Variants in CUBN observed in about 807,000 individuals in gnomAD.
CUBN encodes the protein 460 kDa receptor.
In CUBN, 282 loss-of-function variants were observed where a neutral mutation model predicts 405.3. That is an observed-to-expected ratio of 0.70 (90% CI 0.63 to 0.77). The LOEUF (loss-of-function observed/expected upper bound fraction) is 0.77, where lower values mean the gene tolerates loss of function less well. Among genes scored for constraint, CUBN ranks in the 30% least tolerant of loss-of-function variants. The pLI is 0.00. For missense variants in CUBN, 4,514 were observed against 4,475.2 expected (o/e 1.01, Z -0.25); for synonymous variants, 1,684 against 1,617.0 (o/e 1.04, Z -0.99).
At chr10:17,113,095 T>A (rs1836807345) in intron 8 of CUBN, among the ~76,000 whole-genome samples, 2 of 151,924 alleles carry the variant, frequency 1.3e-5, no homozygotes, top group African/African-American at 4.8e-5. Flanking sequence ...GCAAACCCCA[T>A]CTCTACTAAA....
At chr10:17,090,670 A>G (rs1836235314) in intron 14 of CUBN, among the ~76,000 whole-genome samples, 1 of 152,054 alleles carries the variant, frequency 6.6e-6, no homozygotes, top group Non-Finnish European at 1.5e-5. Flanking sequence ...AAGAACAAAG[A>G]AATCTTAAAT....
intron 62 of CUBN, among the ~76,000 whole-genome samples, chr10:16,836,607 C>T (rs1839177085): frequency 6.6e-6 from 1 of 152,240 alleles, no homozygotes; most frequent in Admixed American, 6.5e-5. Context: ...TCTGCTGAAA[C>T]CACAGACATT....
chr10:16,845,480 T>A (rs1465458245), intron 60 of CUBN, among the ~76,000 whole-genome samples: 1 of 152,168 alleles, frequency 6.6e-6, no homozygotes, highest in Non-Finnish European at 1.5e-5. Context: ...TTTTCCAGTT[T>A]GGGGCTAAAC....
chr10:17,005,861 T>A (rs532326810), intron 28 of CUBN, among the ~76,000 whole-genome samples: 1 of 152,176 alleles, frequency 6.6e-6, no homozygotes, highest in African/African-American at 2.4e-5. Flanking sequence ...TCCTCGGGGA[T>A]AGGGCCTTTA....
chr10:16,842,049 C>CTTT (rs146336877), intron 60 of CUBN, among the ~76,000 whole-genome samples: 2 of 144,100 alleles, frequency 1.4e-5, no homozygotes, highest in Non-Finnish European at 3.0e-5. Context: ...ACATATTTAG[C>CTTT]TTTTTTTTTT....
intron 36 of CUBN, among the ~76,000 whole-genome samples, chr10:16,944,794 C>G (rs546964252): frequency 8.5e-5 from 13 of 152,272 alleles, no homozygotes; most frequent in Non-Finnish European, 1.3e-4. Flanking sequence ...AACTTGCTTT[C>G]TGTGTGTGTA....
At chr10:16,840,172 A>T (rs570702920) in intron 62 of CUBN, among the ~76,000 whole-genome samples, 158 bp downstream of exon 62, 20 of 152,190 alleles carry the variant, frequency 1.3e-4, no homozygotes, top group Non-Finnish European at 2.2e-4. Context: ...ATGTATACAT[A>T]TGTAACAAAC....
At chr10:16,901,091 C>T (rs1841349778) in intron 52 of CUBN, among the ~76,000 whole-genome samples, 1 of 152,078 alleles carries the variant, frequency 6.6e-6, no homozygotes. Context: ...ACACTTCTCT[C>T]TAAGACGCAG....
chr10:16,949,140 T>C (rs1842857300), intron 34 of CUBN, among the ~76,000 whole-genome samples: 1 of 152,222 alleles, frequency 6.6e-6, no homozygotes, highest in African/African-American at 2.4e-5. Context: ...CTACTATTTA[T>C]AACATACTGA....
rs182428546 is a variant in CUBN, at chr10:16,835,323, G to C, written c.10181-128C>G. The stretch of plus-strand genomic sequence containing the variant: ...TAGAAAAAAGTAATCCAGCTTCTTC[G>C]TTTACCTTTGAGATAATTGAGACCC... On this transcript the variant is annotated intron_variant, in intron 63 of 66. Coordinates refer to ENST00000377833, the MANE Select transcript of CUBN (RefSeq NM_001081.4). 243 of 846,076 alleles carry C rather than the reference G, an allele frequency of 2.9e-4. 4 individuals are homozygous for C. In the South Asian group the frequency reaches 3.4e-3, roughly 12 times the overall value. The allele number at this position is 846,076 out of a possible 1,614,324, so 52.4% of individuals were successfully genotyped here. A position where few individuals can be genotyped will look rare whatever the true frequency, so the allele number is the denominator to read the frequency against.
chr10:16,932,394 A>G (rs1842387107), intron 40 of CUBN, among the ~76,000 whole-genome samples: 3 of 152,142 alleles, frequency 2.0e-5, no homozygotes, highest in African/African-American at 7.2e-5. Flanking sequence ...GTCCTCCTTC[A>G]TTCCAGTCCA....
chr10:16,961,878 A>AT lies in CUBN; in HGVS notation c.4696-7331dup, dbSNP rs1266509096. Among the ~76,000 whole-genome samples the AT allele has an allele frequency of 1.4e-4, 21 of 151,810 alleles. No homozygotes were observed. In the South Asian group the frequency reaches 2.1e-3, roughly 15 times the overall value. On this transcript the variant is annotated intron_variant, in intron 31 of 66. Transcript: ENST00000377833. ...AGGCGCCCGCCACTACGCCTGGCTA[A>AT]TTTTTTTGTATTTTCAGTAGAGACA...
intron 29 of CUBN, among the ~76,000 whole-genome samples, chr10:16,985,255 A>G (rs11254319): frequency 0.027 from 4,061 of 152,338 alleles, 160 homozygotes; most frequent in East Asian, 0.18. Flanking sequence ...GATGAATAGA[A>G]GAGCAGAGGA....
Position 16,946,307 on chromosome 10 carries a change from T to A in CUBN, c.5342+928A>T, listed in dbSNP as rs9971169. Among the ~76,000 whole-genome samples, 924 of 152,246 alleles carry A rather than the reference T, an allele frequency of 6.1e-3. 14 individuals carry two copies. Among genetic ancestry groups the A allele is most frequent in the African/African-American group, 0.021 (893 of 41,540 alleles). On this transcript the variant is annotated intron_variant, in intron 36 of 66. Transcript: ENST00000377833. ...ACATCTACTCTAGGACATATTATTG[T>A]TGCTGTCTAATTTAATCTAAGACCA...
At chr10:16,872,593 T>A (rs1473325273) in intron 58 of CUBN, among the ~76,000 whole-genome samples, 1 of 152,132 alleles carries the variant, frequency 6.6e-6, no homozygotes, top group Non-Finnish European at 1.5e-5. Flanking sequence ...AGAAGGTACC[T>A]TCTATAAGCC....
chr10:16,892,527 TCTCA>T (rs1841063604), intron 54 of CUBN, among the ~76,000 whole-genome samples: 1 of 152,074 alleles, frequency 6.6e-6, no homozygotes, highest in Non-Finnish European at 1.5e-5. Context: ...ACAGTCTCAC[TCTCA>T]CTCAGGCTGG....
At chr10:16,854,826 A>G (rs1163113140) in intron 59 of CUBN, among the ~76,000 whole-genome samples, 1 of 152,110 alleles carries the variant, frequency 6.6e-6, no homozygotes, top group African/African-American at 2.4e-5. Context: ...CCCACATTCC[A>G]GGGAACCCCA....
chr10:17,055,897 T>C (rs1043771627), intron 22 of CUBN, among the ~76,000 whole-genome samples: 2 of 152,150 alleles, frequency 1.3e-5, no homozygotes, highest in Non-Finnish European at 2.9e-5. Flanking sequence ...AGTTTTTTTA[T>C]ATATTGAAAA....
intron 36 of CUBN, among the ~76,000 whole-genome samples, chr10:16,940,478 T>C: frequency 6.6e-6 from 1 of 152,180 alleles, no homozygotes; most frequent in East Asian, 1.9e-4. Context: ...TGGGCAAAAC[T>C]GGACGAGAAT....
Sources: allele counts gnomAD v4.1 joint callset (sites outside exome capture counted in the v4.1 genomes callset), GRCh38; gene constraint gnomAD v4.1.1; transcripts MANE v1.5; gene names NCBI Gene and HGNC (gene_info 2026-07-23, HGNC 2026-07-21).